POF1B: variants seen among roughly 807,000 people sequenced by gnomAD.
The protein encoded by POF1B is protein POF1B.
Under a neutral mutation model 55.3 loss-of-function variants are expected in POF1B, and 53 were observed. The observed-to-expected ratio is 0.96, with a 90% confidence interval of 0.77 to 1.20. The LOEUF is 1.20. Ranked by LOEUF, POF1B falls within the 50% of genes most tolerant of loss-of-function variation. The pLI is 0.00. For synonymous variants in POF1B, 188 were observed against 148.3 expected, an observed-to-expected ratio of 1.27 and a Z score of -1.95; for missense variants, 478 against 420.5, an observed-to-expected ratio of 1.14 and a Z score of -1.20.
chrX:85,360,568 C>CT (rs1555988352), intron 3 of POF1B, among the ~76,000 whole-genome samples: 2,569 of 81,411 alleles, frequency 0.032, 287 homozygotes, highest in African/African-American at 0.12. Context: ...TACATATATA[C>CT]ACATTTTCTT....
intron 15 of POF1B, among the ~76,000 whole-genome samples, chrX:85,298,285 T>C (rs1034692567): frequency 1.8e-5 from 2 of 112,246 alleles, no homozygotes; most frequent in Non-Finnish European, 3.8e-5. Context: ...CTGTTCCACA[T>C]GTAAAACCCC....
intron 15 of POF1B, among the ~76,000 whole-genome samples, chrX:85,293,808 A>T (rs1932246152): frequency 1.8e-5 from 2 of 110,891 alleles, no homozygotes; most frequent in Admixed American, 1.9e-4. Context: ...CCCTGTCTGT[A>T]CTAAAAATAC....
At chrX:85,331,228 G>T in intron 6 of POF1B, 149 bp from the exon 7 acceptor site, 1 of 540,887 alleles carries the variant, frequency 1.8e-6, no homozygotes, top group Non-Finnish European at 2.7e-6. Context: ...TAATGTGGGA[G>T]AAATTTAAAG....
intron 5 of POF1B, among the ~76,000 whole-genome samples, chrX:85,348,639 G>A (rs1933319465): frequency 9.0e-6 from 1 of 111,305 alleles, no homozygotes; most frequent in Non-Finnish European, 1.9e-5. Flanking sequence ...TATCTGCATG[G>A]TTCCTTTTAC....
chrX:85,326,341 C>T (rs1198717262), intron 7 of POF1B, among the ~76,000 whole-genome samples: 1 of 110,921 alleles, frequency 9.0e-6, no homozygotes, highest in Non-Finnish European at 1.9e-5. Flanking sequence ...GTGGTGTTAG[C>T]ACAGGGGTGG....
intron 3 of POF1B, among the ~76,000 whole-genome samples, chrX:85,362,133 G>A (rs1426649699): frequency 9.0e-6 from 1 of 111,046 alleles, no homozygotes; most frequent in African/African-American, 3.3e-5. Flanking sequence ...TCAGCTTAAG[G>A]TAGTTTTTGG....
At chrX:85,322,936 C>G (rs1040334168) in intron 7 of POF1B, among the ~76,000 whole-genome samples, 3 of 109,734 alleles carry the variant, frequency 2.7e-5, no homozygotes, top group Non-Finnish European at 3.8e-5. Context: ...ATTAAAAAGT[C>G]AGGAAACAAC....
At chrX:85,360,123 T>C (rs939258130) in intron 3 of POF1B, among the ~76,000 whole-genome samples, 1 of 109,649 alleles carries the variant, frequency 9.1e-6, no homozygotes, top group African/African-American at 3.3e-5. Context: ...GGGGGGTTCA[T>C]GTAGATTTAT....
At chrX:85,341,174 C>A (rs777117858) in intron 6 of POF1B, among the ~76,000 whole-genome samples, 6 of 110,684 alleles carry the variant, frequency 5.4e-5, no homozygotes, top group Non-Finnish European at 1.1e-4. Context: ...CATAAGTATA[C>A]CCATACTATA....
chrX:85,345,817 A>G, intron 6 of POF1B, 43 bp downstream of exon 6: 2 of 1,094,989 alleles, frequency 1.8e-6, no homozygotes, highest in African/African-American at 3.7e-5. Context: ...AGAGTTCAAG[A>G]ACATTATTTC....
intron 6 of POF1B, among the ~76,000 whole-genome samples, chrX:85,334,027 A>C (rs1040207018): frequency 9.0e-6 from 1 of 110,908 alleles, no homozygotes; most frequent in Non-Finnish European, 1.9e-5. Context: ...ACCAAGGTGA[A>C]ATTTCCTAAC....
chrX:85,347,172 G>C (rs778769574), intron 5 of POF1B, among the ~76,000 whole-genome samples: 1 of 111,099 alleles, frequency 9.0e-6, no homozygotes, highest in African/African-American at 3.3e-5. Context: ...ACTTCGATAA[G>C]AGACATCTGG....
chrX:85,320,808 A>C (rs1216149935), intron 7 of POF1B, among the ~76,000 whole-genome samples: 6 of 111,767 alleles, frequency 5.4e-5, no homozygotes, highest in African/African-American at 2.0e-4. Context: ...AGAATATTAC[A>C]AACACCTCTA....
chrX:85,375,241 A>C (rs1178134248), intron 2 of POF1B, among the ~76,000 whole-genome samples: 1 of 112,256 alleles, frequency 8.9e-6, no homozygotes. Context: ...ATATTTATTA[A>C]TAAAAGTTTT....
chrX:85,312,182 A>G (rs1932717313), intron 9 of POF1B, among the ~76,000 whole-genome samples: 1 of 111,920 alleles, frequency 8.9e-6, no homozygotes, highest in South Asian at 3.7e-4. Context: ...TAGTTTAATT[A>G]GATCCCATTT....
At position 85,279,445 on chromosome X, in the gene POF1B, G is replaced by T. The variant is rs1487536150; in HGVS notation, c.1765-19C>A. ...TTCATGGCTAGAAAAGAAAAAAAAA[G>T]GTTATCTTACAACTGGTTCATAATT... On this transcript the variant is annotated intron_variant, in intron 16 of 16. Coordinates refer to ENST00000262753, the MANE Select transcript of POF1B (RefSeq NM_024921.4). 8.5e-7 allele frequency: 1 copy of T among 1,169,825 alleles called. No individual in the cohort carries two copies. Among genetic ancestry groups the T allele is most frequent in the Admixed American group, 2.2e-5 (1 of 44,500 alleles).
chrX:85,342,219 T>C (rs953932519), intron 6 of POF1B, among the ~76,000 whole-genome samples: 16 of 111,756 alleles, frequency 1.4e-4, no homozygotes, highest in African/African-American at 5.2e-4. Flanking sequence ...GGGAGGACCA[T>C]GGAAAATGCA....
Position 85,350,331 on chromosome X carries a change from A to G in POF1B, c.540+1019T>C, listed in dbSNP as rs775961291. On this transcript the variant is annotated intron_variant, in intron 5 of 16. Coordinates refer to ENST00000262753, the MANE Select transcript of POF1B (RefSeq NM_024921.4). ...AGTTTACTGAGAATGATGATTTCCA[A>G]TTTCATCCATGTCCCTACAAAGGAC... is the stretch of plus-strand genomic sequence containing the variant. 7.7e-3 allele frequency among the ~76,000 whole-genome samples: 773 copies of G among 100,508 alleles called. 13 individuals are homozygous for G. The highest frequency in any genetic ancestry group is 0.025 in the African/African-American group (692 of 27,514). 87.3% of individuals were successfully genotyped at this position (100,508 alleles called of 115,157 possible).
rs1005300514 is a variant in POF1B, at chrX:85,277,875, T to C, written c.*1546A>G. On this transcript the variant is annotated 3_prime_UTR_variant, in exon 17 of 17. Transcript: ENST00000262753. ...TTCCCCTTATATTATTTGTAATGTG[T>C]GCATAACATAGTACACTTTTGTTAC... 3.6e-5 allele frequency: 4 copies of C among 111,270 alleles called. No individual in the cohort carries two copies. The highest frequency in any genetic ancestry group is 7.6e-5 in the Non-Finnish European group (4 of 52,646). 9.2% of individuals were successfully genotyped at this position (111,270 alleles called of 1,213,427 possible).
Sources: gnomAD v4.1 joint callset for allele counts (sites outside exome capture counted in the v4.1 genomes callset) on GRCh38, gnomAD v4.1.1 for gene constraint, MANE v1.5 for transcripts, NCBI Gene and HGNC (gene_info 2026-07-23, HGNC 2026-07-21) for gene names.